Variants in PDE11A observed in about 807,000 individuals in gnomAD.
The protein encoded by PDE11A is phosphodiesterase 11A.
PDE11A carries 100 observed loss-of-function variants against 100.5 expected under a neutral mutation model. The ratio of observed to expected loss-of-function variants is 1.00; its 90% confidence interval spans 0.85 to 1.18. PDE11A has a LOEUF of 1.18. PDE11A is among the 50% of genes most tolerant of loss of function. The pLI is 0.00. For missense variants in PDE11A, 1,141 were observed against 1,152.6 expected (o/e 0.99, Z 0.15); for synonymous variants, 381 against 420.8 (o/e 0.91, Z 1.16).
intron 9 of PDE11A, among the ~76,000 whole-genome samples, chr2:177,778,929 A>G (rs2082415383): frequency 6.6e-6 from 1 of 151,084 alleles, no homozygotes; most frequent in East Asian, 2.0e-4. Flanking sequence ...ATCATAAAAA[A>G]TATTTTTAAA....
chr2:178,063,326 G>A (rs2086996829), intron 1 of PDE11A, among the ~76,000 whole-genome samples: 1 of 152,178 alleles, frequency 6.6e-6, no homozygotes, highest in Non-Finnish European at 1.5e-5. Flanking sequence ...GATTATGTAT[G>A]TGTGGTACTG....
At chr2:177,709,251 G>A (rs1326117450) in intron 13 of PDE11A, among the ~76,000 whole-genome samples, 1 of 152,198 alleles carries the variant, frequency 6.6e-6, no homozygotes, top group African/African-American at 2.4e-5. Flanking sequence ...GAGTGACCTG[G>A]TCAGCTTTGT....
chr2:177,842,036 T>TA (rs1383219763), intron 5 of PDE11A, among the ~76,000 whole-genome samples: 1 of 152,232 alleles, frequency 6.6e-6, no homozygotes, highest in Non-Finnish European at 1.5e-5. Flanking sequence ...CTAAATGACT[T>TA]AGTGAAGTCA....
rs1158566951 is a variant in PDE11A, at chr2:177,631,564, T to C, written c.2647-2002A>G. 9.6e-3 allele frequency among the ~76,000 whole-genome samples: 353 copies of C among 36,596 alleles called. 10 individuals are homozygous for C. The highest frequency in any genetic ancestry group is 0.025 in the African/African-American group (234 of 9,350). 24.0% of individuals were successfully genotyped at this position (36,596 alleles called of 152,430 possible). On this transcript the variant is annotated intron_variant, in intron 19 of 19. Transcript: ENST00000286063. ...ATATATATACACATGTATATATATA[T>C]ATATACATGTATATATATATACACA...
chr2:177,968,920 A>AT (rs1485613285), intron 2 of PDE11A, among the ~76,000 whole-genome samples: 1 of 152,242 alleles, frequency 6.6e-6, no homozygotes, highest in African/African-American at 2.4e-5. Context: ...ATTACTGGGT[A>AT]TATGTCCAAA....
At chr2:177,817,961 G>A (rs910239921) in intron 7 of PDE11A, 36 bp from the exon 8 acceptor site, 1 of 948,616 alleles carries the variant, frequency 1.1e-6, no homozygotes. Context: ...GTCATTTTTA[G>A]TACTGGACAT....
At chr2:178,071,137 C>G (rs1228683063) in intron 1 of PDE11A, among the ~76,000 whole-genome samples, 1 of 152,192 alleles carries the variant, frequency 6.6e-6, no homozygotes. Context: ...CTCATCTTAA[C>G]ACCGGAATTC....
chr2:177,856,455 A>G (rs1444825419), intron 5 of PDE11A, among the ~76,000 whole-genome samples: 4 of 152,106 alleles, frequency 2.6e-5, no homozygotes, highest in Admixed American at 6.6e-5. Flanking sequence ...CCCTGAGTAA[A>G]CCAAGATGTT....
chr2:177,788,852 C>A (rs1455132524), intron 9 of PDE11A, among the ~76,000 whole-genome samples: 1 of 152,222 alleles, frequency 6.6e-6, no homozygotes, highest in East Asian at 1.9e-4. Context: ...GAAGTTGAAT[C>A]TCTGAATAGA....
At chr2:177,790,115 A>G (rs1384820783) in intron 9 of PDE11A, among the ~76,000 whole-genome samples, 2 of 151,608 alleles carry the variant, frequency 1.3e-5, no homozygotes, top group Non-Finnish European at 2.9e-5. Flanking sequence ...AGTTGGAGGC[A>G]TCACACTACC....
chr2:178,004,353 T>C (rs1341916542), intron 2 of PDE11A, among the ~76,000 whole-genome samples: 3 of 152,204 alleles, frequency 2.0e-5, no homozygotes, highest in Non-Finnish European at 4.4e-5. Context: ...CTATTAAATT[T>C]TACTTTTCAT....
chr2:177,740,661 C>T (rs2081858603), intron 10 of PDE11A, among the ~76,000 whole-genome samples: 1 of 152,236 alleles, frequency 6.6e-6, no homozygotes, highest in African/African-American at 2.4e-5. Flanking sequence ...ATATTGCCCA[C>T]ACAATCATTT....
At chr2:177,807,157 G>C in intron 9 of PDE11A, among the ~76,000 whole-genome samples, 1 of 151,856 alleles carries the variant, frequency 6.6e-6, no homozygotes, top group East Asian at 1.9e-4. Flanking sequence ...AAAAGGAAAT[G>C]TTAAAAGCAG....
chr2:178,051,443 A>C (rs2105857597), intron 1 of PDE11A, among the ~76,000 whole-genome samples: 1 of 152,360 alleles, frequency 6.6e-6, no homozygotes, highest in South Asian at 2.1e-4. Flanking sequence ...AAGAAACTGC[A>C]TCAACTAACG....
chr2:178,020,073 T>A (rs1484949986), intron 1 of PDE11A, among the ~76,000 whole-genome samples: 1 of 152,186 alleles, frequency 6.6e-6, no homozygotes, highest in African/African-American at 2.4e-5. Flanking sequence ...AGAACCACTG[T>A]CCTAAATGAT....
chr2:178,095,114 C>T (rs1411523934), intron 2 of PDE11A, among the ~76,000 whole-genome samples: 5 of 152,236 alleles, frequency 3.3e-5, no homozygotes, highest in African/African-American at 1.2e-4. Flanking sequence ...CTCAACAGTC[C>T]CCCAAAGTCT....
chr2:177,782,875 T>TC (rs2082473748), intron 9 of PDE11A, among the ~76,000 whole-genome samples: 1 of 151,570 alleles, frequency 6.6e-6, no homozygotes, highest in African/African-American at 2.4e-5. Flanking sequence ...TCTCTATCTC[T>TC]CCCCTCTCCA....
intron 1 of PDE11A, among the ~76,000 whole-genome samples, chr2:178,059,874 C>T (rs1014379181): frequency 1.3e-5 from 2 of 152,160 alleles, no homozygotes; most frequent in Admixed American, 6.5e-5. Context: ...TGGACTTTGA[C>T]GGCATGCAGT....
chr2:177,759,059 A>G (rs1424015289), intron 10 of PDE11A, among the ~76,000 whole-genome samples: 1 of 152,110 alleles, frequency 6.6e-6, no homozygotes, highest in Non-Finnish European at 1.5e-5. Context: ...CTGTTTTCTC[A>G]GGGATTTTCC....
Sources: allele counts gnomAD v4.1 joint callset (sites outside exome capture counted in the v4.1 genomes callset), GRCh38; gene constraint gnomAD v4.1.1; transcripts MANE v1.5; gene names NCBI Gene and HGNC (gene_info 2026-07-23, HGNC 2026-07-21).